MAP3K19: variants seen among roughly 807,000 people sequenced by gnomAD.
MAP3K19 encodes mitogen-activated protein kinase kinase kinase 19.
In MAP3K19, 91 loss-of-function variants were observed where a neutral mutation model predicts 114.4. That is an observed-to-expected ratio of 0.80 (90% CI 0.67 to 0.95). The LOEUF (loss-of-function observed/expected upper bound fraction) is 0.95. Among genes scored for constraint, MAP3K19 ranks in the 40% least tolerant of loss-of-function variants. The pLI, the probability that MAP3K19 is intolerant of heterozygous loss-of-function variation, is 0.00. For missense variants in MAP3K19, 1,471 were observed against 1,573.2 expected (o/e 0.94, Z 1.10); for synonymous variants, 518 against 530.5 (o/e 0.98, Z 0.32).
chr2:135,028,831 A>G (rs2104781646), intron 3 of MAP3K19, among the ~76,000 whole-genome samples: 1 of 152,262 alleles, frequency 6.6e-6, no homozygotes. Context: ...ACTAGAAATA[A>G]TGGTATTACT....
chr2:135,025,069 T>G (rs975888785), intron 3 of MAP3K19, among the ~76,000 whole-genome samples: 2 of 152,104 alleles, frequency 1.3e-5, no homozygotes, highest in Admixed American at 6.5e-5. Context: ...TTTTGTTGTT[T>G]TTTTTTATAT....
At chr2:134,973,900 C>CT (rs1220461486) in intron 12 of MAP3K19, among the ~76,000 whole-genome samples, 1 of 152,156 alleles carries the variant, frequency 6.6e-6, no homozygotes, top group Non-Finnish European at 1.5e-5. Context: ...TTTTGCATGT[C>CT]TGTGAAAGAC....
intron 5 of MAP3K19, among the ~76,000 whole-genome samples, chr2:135,010,394 C>T (rs1268422909): frequency 6.6e-6 from 1 of 152,088 alleles, no homozygotes; most frequent in African/African-American, 2.4e-5. Flanking sequence ...TTAAGATGTG[C>T]TTGGGTGCCA....
intron 5 of MAP3K19, among the ~76,000 whole-genome samples, chr2:135,018,631 C>A (rs1265275119): frequency 6.6e-6 from 1 of 152,242 alleles, no homozygotes; most frequent in Non-Finnish European, 1.5e-5. Context: ...TAAGCCACTG[C>A]ACCTGGACCA....
At chr2:134,995,954 T>G (rs1685953754) in intron 8 of MAP3K19, among the ~76,000 whole-genome samples, 1 of 151,850 alleles carries the variant, frequency 6.6e-6, no homozygotes, top group African/African-American at 2.4e-5. Flanking sequence ...AGCTGTACTT[T>G]TTTTTTTAAG....
intron 5 of MAP3K19, among the ~76,000 whole-genome samples, chr2:135,011,933 T>C (rs898257934): frequency 3.9e-5 from 6 of 152,196 alleles, no homozygotes; most frequent in African/African-American, 1.2e-4. Context: ...TTCAATGTAT[T>C]AATATGAAGT....
Position 134,986,159 on chromosome 2 carries a change from T to C in MAP3K19, c.2713A>G (p.Asn905Asp). Residue 905 changes from asparagine to aspartate, a missense_variant, in exon 10 of 13, where the codon AAT becomes GAT. Physicochemically the swap from Asn to Asp is conservative, Grantham distance 23 (BLOSUM62 1). Transcript: ENST00000392915. The stretch of plus-strand genomic sequence containing the variant: ...TCTTGTTTTGCTTGGAAAGAGAAAT[T>C]TGTAAGTGTTTTAGAGTGATCTGAA... ...SVSDHSKTLT[N>D]FSFQAKQESA... 1 of 1,613,858 alleles carries C rather than the reference T, an allele frequency of 6.2e-7. No homozygotes were observed. The highest frequency in any genetic ancestry group is 8.5e-7 in the Non-Finnish European group (1 of 1,179,946).
intron 11 of MAP3K19, 185 bp downstream of exon 11, chr2:134,983,491 G>T (rs12623713): frequency 1.7e-6 from 1 of 593,158 alleles, no homozygotes; most frequent in Non-Finnish European, 3.0e-6. Flanking sequence ...CCTTTCAGTC[G>T]GATAAAGCAG....
intron 12 of MAP3K19, among the ~76,000 whole-genome samples, chr2:134,968,011 C>A (rs766613157): frequency 1.8e-4 from 28 of 152,248 alleles, no homozygotes; most frequent in South Asian, 8.3e-4. Context: ...CTGCGGCCTT[C>A]CGCAGTGTTT....
At position 135,000,093 on chromosome 2, in the gene MAP3K19, G is replaced by A. The variant is rs1173878635; in HGVS notation, c.236-78C>T. 1.3e-5 allele frequency: 12 copies of A among 957,368 alleles called. No individual in the cohort carries two copies. The African/African-American group carries it at 1.6e-4, about 13-fold the overall frequency. The allele number at this position is 957,368 out of a possible 1,614,324, so 59.3% of individuals were successfully genotyped here. ...AAAGCGGGAGACGTACTTTATTTCT[G>A]TTTGGCTAATCTCTTCTTAATGATT... On this transcript the variant is annotated intron_variant, in intron 6 of 12. Coordinates refer to ENST00000392915, the MANE Select transcript of MAP3K19 (RefSeq NM_025052.5).
chr2:134,998,182 C>T (rs923431842), intron 8 of MAP3K19, among the ~76,000 whole-genome samples: 3 of 152,098 alleles, frequency 2.0e-5, no homozygotes, highest in South Asian at 2.1e-4. Flanking sequence ...ATAAGGCTAA[C>T]GTAGACTCAA....
chr2:134,964,991 A>C, intron 12 of MAP3K19, 75 bp from the exon 13 acceptor site: 1 of 1,122,332 alleles, frequency 8.9e-7, no homozygotes, highest in Non-Finnish European at 1.3e-6. Flanking sequence ...CTTAAATGTG[A>C]ACTTTTAAAG....
chr2:134,978,966 G>C (rs79861972), intron 12 of MAP3K19, among the ~76,000 whole-genome samples: 3 of 152,126 alleles, frequency 2.0e-5, no homozygotes, highest in Admixed American at 2.0e-4. Flanking sequence ...AACTTGATCT[G>C]TCAATAGGAG....
At chr2:135,031,150 G>C (rs1688370197) in intron 2 of MAP3K19, among the ~76,000 whole-genome samples, 1 of 134,818 alleles carries the variant, frequency 7.4e-6, no homozygotes, top group Admixed American at 7.7e-5. Flanking sequence ...GAAGAACAGA[G>C]ACATATTTAA....
chr2:135,014,104 G>C (rs1242140527), intron 5 of MAP3K19, among the ~76,000 whole-genome samples: 1 of 152,162 alleles, frequency 6.6e-6, no homozygotes, highest in African/African-American at 2.4e-5. Context: ...TGTAATCCCA[G>C]CACTTTGGGA....
chr2:134,997,560 C>T (rs1373541357), intron 8 of MAP3K19, among the ~76,000 whole-genome samples: 1 of 152,154 alleles, frequency 6.6e-6, no homozygotes, highest in East Asian at 1.9e-4. Context: ...GTGGCTCACA[C>T]CTGTAATCCC....
At chr2:135,034,742 G>A (rs1487567433) in intron 2 of MAP3K19, among the ~76,000 whole-genome samples, 1 of 143,970 alleles carries the variant, frequency 6.9e-6, no homozygotes, top group Admixed American at 7.0e-5. Flanking sequence ...GAGCCGAGAT[G>A]GCAGCAGTAC....
chr2:135,036,797 A>G (rs6760553), intron 2 of MAP3K19, among the ~76,000 whole-genome samples: 40,214 of 151,770 alleles, frequency 0.26, 7,187 homozygotes, highest in African/African-American at 0.48. Flanking sequence ...AGAGGTAAGA[A>G]GAAAAACCAG....
chr2:134,987,804 C>T lies in MAP3K19; in HGVS notation c.1068G>A (p.Thr356=), dbSNP rs148740248. ...GAGAGTTCTCTTCTTCAGGTTTTCGCGTTTTACTACCATGGCAGTCAATAT... is the reference window on the plus strand; with the variant it reads ...GAGAGTTCTCTTCTTCAGGTTTTCGTGTTTTACTACCATGGCAGTCAATAT... ...EEDIDCHGSK[T]RKPEEENSQY... is the part of the protein sequence containing the mutation. Residue 356 remains threonine (T), a synonymous_variant, in exon 10 of 13, where the codon ACG becomes ACA. Coordinates refer to ENST00000392915, the MANE Select transcript of MAP3K19 (RefSeq NM_025052.5). The T allele has an allele frequency of 1.7e-4, 278 of 1,607,588 alleles. No individual in the cohort carries two copies. The African/African-American group carries it at 3.1e-3, about 18-fold the overall frequency.
Sources: allele counts gnomAD v4.1 joint callset (sites outside exome capture counted in the v4.1 genomes callset), GRCh38; gene constraint gnomAD v4.1.1; transcripts MANE v1.5; gene names NCBI Gene and HGNC (gene_info 2026-07-23, HGNC 2026-07-21).